The following MATK variants were observed in gnomAD, a reference collection of about 807,000 sequenced individuals.
MATK encodes the protein megakaryocyte-associated tyrosine-protein kinase.
MATK carries 41 observed loss-of-function variants against 59.8 expected under a neutral mutation model. That is an observed-to-expected ratio of 0.69 (90% CI 0.53 to 0.89). The LOEUF (loss-of-function observed/expected upper bound fraction) is 0.89. MATK is among the 40% of genes least tolerant of loss of function. The pLI is 0.00. For synonymous variants in MATK, 308 were observed against 306.1 expected, an observed-to-expected ratio of 1.01 and a Z score of -0.06; for missense variants, 593 against 719.6, an observed-to-expected ratio of 0.82 and a Z score of 2.01.
At chr19:3,783,054 C>T in intron 7 of MATK, 72 bp downstream of exon 7, 1 of 1,493,204 alleles carries the variant, frequency 6.7e-7, no homozygotes, top group East Asian at 2.3e-5. Context: ...GGTGCGGGGC[C>T]CCAGGGCCCT....
At chr19:3,778,723 A>C in intron 12 of MATK, 128 bp from the exon 13 acceptor site, 3 of 1,061,762 alleles carry the variant, frequency 2.8e-6, no homozygotes, top group Non-Finnish European at 4.1e-6. Context: ...TCCTCCCCCA[A>C]CGCCGCCCGC....
At chr19:3,779,508 C>T in intron 10 of MATK, 25 bp downstream of exon 10, 1 of 1,610,934 alleles carries the variant, frequency 6.2e-7, no homozygotes, top group Non-Finnish European at 8.5e-7. Context: ...GCGTGGGCCC[C>T]CTCCCCGCCT....
intron 12 of MATK, 143 bp downstream of exon 12, chr19:3,778,848 AG>A (rs2037356473): frequency 4.3e-6 from 4 of 927,870 alleles, no homozygotes; most frequent in Non-Finnish European, 6.3e-6. Context: ...GGGGGCTACG[AG>A]GAACAATTAT....
At chr19:3,781,872 G>C (rs1434722084) in intron 7 of MATK, among the ~76,000 whole-genome samples, 200 bp from the exon 8 acceptor site, 1 of 152,174 alleles carries the variant, frequency 6.6e-6, no homozygotes, top group Non-Finnish European at 1.5e-5. Context: ...GTTGTTGCAA[G>C]CAACAGAACT....
Position 3,778,437 on chromosome 19 carries a change from C to G in MATK, c.1285-15G>C. ...TCTTTCAGTGACTGCGGACAGCAGG[C>G]GTGGGCAGGGGTCAGGGCCACAGCC... On this transcript the variant is annotated splice_polypyrimidine_tract_variant and intron_variant, in intron 13 of 13. Coordinates refer to ENST00000310132, the MANE Select transcript of MATK (RefSeq NM_139355.3). The G allele has an allele frequency of 6.2e-7, 1 of 1,613,426 alleles. No individual in the cohort carries two copies.
At chr19:3,791,783 A>G (rs1465374092) in intron 1 of MATK, among the ~76,000 whole-genome samples, 1 of 152,122 alleles carries the variant, frequency 6.6e-6, no homozygotes, top group East Asian at 1.9e-4. Flanking sequence ...ATTCCTAGAG[A>G]TCACTGAGAC....
rs2037461302 is a variant in MATK, at chr19:3,785,049, G to A, written c.72+15C>T. 6.2e-7 allele frequency: 1 copy of A among 1,613,240 alleles called. No individual in the cohort carries two copies. The highest frequency in any genetic ancestry group is 8.5e-7 in the Non-Finnish European group (1 of 1,179,232). On this transcript the variant is annotated intron_variant, in intron 2 of 13. Coordinates refer to ENST00000310132, the MANE Select transcript of MATK (RefSeq NM_139355.3). ...GAACTGGCTCCCCAAGCCCCTGTGG[G>A]GAAGTGATCTTTACCCGGGGAAGTT... is the stretch of plus-strand genomic sequence containing the variant.
chr19:3,781,827 A>G (rs536295861), intron 7 of MATK, among the ~76,000 whole-genome samples, 155 bp from the exon 8 acceptor site: 2 of 152,280 alleles, frequency 1.3e-5, no homozygotes, highest in South Asian at 4.1e-4. Flanking sequence ...CCCCTAGGAC[A>G]TATCAGAGAC....
Position 3,785,093 on chromosome 19 carries a change from C to A in MATK, c.43G>T (p.Gly15Cys). The A allele has an allele frequency of 1.2e-6, 2 of 1,614,078 alleles. No homozygotes were observed. The highest frequency in any genetic ancestry group is 1.7e-6 in the Non-Finnish European group (2 of 1,179,996). The change falls in exon 2 of 14, where the codon GGC becomes TGC. Residue 15 changes from glycine (G) to cysteine (C), a missense_variant. Physicochemically the swap from Gly to Cys is radical, Grantham distance 159. Transcript: ENST00000310132. ...GGAAGTTCCTCAGCAGAATCACAGC[C>A]GTGAAATGCCCGCCAGGAAACCAGA... ...GSLVSWRAFH[G>C]CDSAEELPRV...
upstream of MATK, among the ~76,000 whole-genome samples, chr19:3,790,112 G>A (rs1267626390): frequency 6.6e-6 from 1 of 152,190 alleles, no homozygotes; most frequent in Admixed American, 6.5e-5. Context: ...ATGTTGGCCA[G>A]GCTGGCCTGG....
upstream of MATK, among the ~76,000 whole-genome samples, chr19:3,788,641 A>AT (rs1279676967): frequency 3.7e-4 from 55 of 150,160 alleles, no homozygotes; most frequent in African/African-American, 1.3e-3. Flanking sequence ...AAAAAAAAAA[A>AT]ATAGAGATGG....
upstream of MATK, among the ~76,000 whole-genome samples, chr19:3,790,770 T>G (rs915295668): frequency 6.6e-6 from 1 of 152,200 alleles, no homozygotes; most frequent in African/African-American, 2.4e-5. Flanking sequence ...GTGGCACCAT[T>G]TGGGGAAAGC....
chr19:3,794,594 G>T (rs2037574995), intron 1 of MATK, among the ~76,000 whole-genome samples: 1 of 152,176 alleles, frequency 6.6e-6, no homozygotes, highest in South Asian at 2.1e-4. Flanking sequence ...GGTTGAGGCT[G>T]CAGTCAGCTA....
chr19:3,782,928 A>T, intron 7 of MATK, 198 bp downstream of exon 7: 1 of 569,158 alleles, frequency 1.8e-6, no homozygotes, highest in African/African-American at 1.9e-5. Flanking sequence ...TGAGTGGCGA[A>T]GCTGGGGACC....
Position 3,784,230 on chromosome 19 carries a change from A to G in MATK, c.256T>C (p.Trp86Arg). Reference protein sequence around the residue: ...TILEACENKSWYRVKHHTSGQ... With the variant: ...TILEACENKSRYRVKHHTSGQ... ...CTGGTGTGGTGCTTGACGCGGTACC[A>G]GCTCTTGTTCTGCCAGGGAGGAAGC... The change falls in exon 5 of 14, where the codon TGG becomes CGG. Residue 86 changes from tryptophan (W) to arginine (R), a missense_variant. Coordinates refer to ENST00000310132, the MANE Select transcript of MATK (RefSeq NM_139355.3). 10 of 1,612,126 alleles carry G rather than the reference A, an allele frequency of 6.2e-6. No homozygotes were observed. Among genetic ancestry groups the G allele is most frequent in the Non-Finnish European group, 8.5e-6 (10 of 1,178,772 alleles).
chr19:3,797,102 C>T (rs12104221), intron 1 of MATK, among the ~76,000 whole-genome samples: 21,883 of 151,920 alleles, frequency 0.14, 1,898 homozygotes, highest in Admixed American at 0.29. Flanking sequence ...TGTTCTCTTC[C>T]TGGCAAACTT....
intron 1 of MATK, chr19:3,793,358 G>A (rs1036546197): frequency 1.3e-5 from 2 of 152,148 alleles, no homozygotes; most frequent in Admixed American, 1.3e-4. Context: ...CTGAGGTCAG[G>A]AGTTCGAGAC....
At chr19:3,790,307 C>T (rs2037528695), upstream of MATK, among the ~76,000 whole-genome samples, 1 of 152,176 alleles carries the variant, frequency 6.6e-6, no homozygotes, top group South Asian at 2.1e-4. Context: ...GTCCTGAACT[C>T]CCCACCCTCC....
intron 1 of MATK, chr19:3,785,863 G>A (rs1182958385): frequency 1.3e-5 from 2 of 152,556 alleles, no homozygotes; most frequent in Non-Finnish European, 2.9e-5. Context: ...GCTACGCAGG[G>A]CCGCGCACAC....
Sources: allele counts gnomAD v4.1 joint callset (sites outside exome capture counted in the v4.1 genomes callset), GRCh38; gene constraint gnomAD v4.1.1; transcripts MANE v1.5; gene names NCBI Gene and HGNC (gene_info 2026-07-23, HGNC 2026-07-21).